Variants in PIK3R6 observed in about 807,000 individuals in gnomAD.
PIK3R6 encodes the protein phosphoinositide 3-kinase regulatory subunit 6.
Under a neutral mutation model 84.9 loss-of-function variants are expected in PIK3R6, and 91 were observed. The observed-to-expected ratio is 1.07, with a 90% CI of 0.90 to 1.28. PIK3R6 has a LOEUF of 1.28. Ranked by LOEUF, PIK3R6 falls within the 50% of genes most tolerant of loss-of-function variation. PIK3R6 has a pLI of 0.00. For synonymous variants in PIK3R6, 416 were observed against 411.4 expected (o/e 1.01, Z -0.13); for missense variants, 996 against 985.1 (o/e 1.01, Z -0.15).
At chr17:8,850,291 AGACTGGCTC>A (rs2088916980) in intron 1 of PIK3R6, among the ~76,000 whole-genome samples, 1 of 148,608 alleles carries the variant, frequency 6.7e-6, no homozygotes. Flanking sequence ...GGCAAGGGTG[AGACTGGCTC>A]AAAAAAAAAA....
chr17:8,864,587 G>A (rs2089362401), intron 1 of PIK3R6, among the ~76,000 whole-genome samples: 1 of 138,984 alleles, frequency 7.2e-6, no homozygotes, highest in Admixed American at 7.6e-5. Flanking sequence ...CGCCAGACTG[G>A]AGTGCAGTGG....
intron 1 of PIK3R6, among the ~76,000 whole-genome samples, chr17:8,852,518 T>C (rs2088996293): frequency 6.6e-6 from 1 of 151,996 alleles, no homozygotes; most frequent in Non-Finnish European, 1.5e-5. Context: ...GGTGGGCGGA[T>C]CATGAGGTCA....
In PIK3R6 at chr17:8,828,698, G is replaced by T. The variant is rs374801057; in HGVS notation, c.1182C>A (p.His394Gln). The change falls in exon 11 of 20, where the codon CAC becomes CAA. Residue 394 changes from histidine to glutamine, a missense_variant. Transcript: ENST00000619866. Reference sequence around the variant, plus strand: ...CCCCACTGGGCCGGCCTGTCCTCCGGTGCAGCCCTGGGGGCCCGTCCCAGC... The same window carrying T: ...CCCCACTGGGCCGGCCTGTCCTCCGTTGCAGCCCTGGGGGCCCGTCCCAGC... Reference protein sequence around the residue: ...PGSWDGPPGLHRRTGRPSGDG... With the variant: ...PGSWDGPPGLQRRTGRPSGDG... 17 of 1,611,154 alleles carry T rather than the reference G, an allele frequency of 1.1e-5. No homozygotes were observed. Among genetic ancestry groups the T allele is most frequent in the Non-Finnish European group, 1.4e-5 (17 of 1,178,856 alleles).
intron 9 of PIK3R6, among the ~76,000 whole-genome samples, chr17:8,831,797 A>G (rs1372014447): frequency 6.6e-6 from 1 of 152,176 alleles, no homozygotes; most frequent in East Asian, 1.9e-4. Flanking sequence ...ATTCCATGAT[A>G]CTTTGAATGA....
chr17:8,829,061 C>G (rs2088065264), intron 10 of PIK3R6, 71 bp from the exon 11 acceptor site: 3 of 1,383,538 alleles, frequency 2.2e-6, no homozygotes, highest in Non-Finnish European at 2.9e-6. Flanking sequence ...TTCAGCCAGT[C>G]CTCTTCAGAG....
At chr17:8,808,149 T>C (rs2087255971) in intron 18 of PIK3R6, among the ~76,000 whole-genome samples, 1 of 152,092 alleles carries the variant, frequency 6.6e-6, no homozygotes, top group Non-Finnish European at 1.5e-5. Context: ...TGGTTAATGA[T>C]GGTACCATTA....
intron 18 of PIK3R6, among the ~76,000 whole-genome samples, chr17:8,807,926 G>T (rs1021172863): frequency 6.6e-6 from 1 of 152,186 alleles, no homozygotes; most frequent in Non-Finnish European, 1.5e-5. Context: ...CAACTTGCTT[G>T]ATTTGCCTGG....
rs537486758 is a variant in PIK3R6, at chr17:8,804,108, G to A, written c.2041C>T (p.Arg681Trp). 88 of 1,613,984 alleles carry A rather than the reference G, an allele frequency of 5.5e-5. 1 individual carries two copies. Among genetic ancestry groups the A allele is most frequent in the South Asian group, 2.9e-4 (26 of 91,084 alleles). Residue 681 changes from arginine to tryptophan, a missense_variant, in exon 19 of 20, where the codon CGG (arginine) becomes TGG (tryptophan). Physicochemically the swap from Arg to Trp is moderately radical, Grantham distance 101. Transcript: ENST00000619866. Reference sequence around the variant, plus strand: ...GACAGTGTCAGCAGCCTCTGGTCCCGGCTCTGGATCTGGATATTGTTCGTC... The same window carrying A: ...GACAGTGTCAGCAGCCTCTGGTCCCAGCTCTGGATCTGGATATTGTTCGTC... ...FRTNNIQIQS[R>W]DQRLLTLSLD...
At position 8,803,242 on chromosome 17, in the gene PIK3R6, CCTTCCT is replaced by C; in HGVS notation, c.*25_*30del. On this transcript the variant is annotated 3_prime_UTR_variant, in exon 20 of 20. Coordinates refer to ENST00000619866, the MANE Select transcript of PIK3R6 (RefSeq NM_001010855.4). This position sits in a 1 kb window ranked among gnomAD's most constrained non-coding sequence, Gnocchi z 5.0. ...GTTTGGAGTTGGTGGGGTAGTGTAT[CCTTCCT>C]CCTGGGCCTGCTGTCCCTGCAGGCT... is the stretch of plus-strand genomic sequence containing the variant. 1.9e-6 allele frequency: 3 copies of C among 1,610,934 alleles called. No homozygotes were observed. The highest frequency in any genetic ancestry group is 4.5e-5 in the East Asian group (2 of 44,834).
chr17:8,825,882 C>G (rs1475600708), intron 13 of PIK3R6, among the ~76,000 whole-genome samples: 1 of 152,194 alleles, frequency 6.6e-6, no homozygotes, highest in Non-Finnish European at 1.5e-5. Context: ...CAAGTTACAA[C>G]TATGGGAAAA....
In PIK3R6 at chr17:8,803,143, G is replaced by T; in HGVS notation, c.*130C>A. On this transcript the variant is annotated 3_prime_UTR_variant, in exon 20 of 20. Transcript: ENST00000619866. This position sits in a 1 kb window ranked among gnomAD's most constrained non-coding sequence, Gnocchi z 5.0. The stretch of plus-strand genomic sequence containing the variant: ...CCAGGGTAGGCTCCCTGTGCTCCCA[G>T]GCACTCGCTGGCTCCTGGTCAAGGC... 1 of 1,238,704 alleles carries T rather than the reference G, an allele frequency of 8.1e-7. No individual in the cohort carries two copies. The highest frequency in any genetic ancestry group is 1.1e-6 in the Non-Finnish European group (1 of 882,828). 76.7% of individuals were successfully genotyped at this position (1,238,704 alleles called of 1,614,324 possible). A position where few individuals can be genotyped will look rare whatever the true frequency, so the allele number is the denominator to read the frequency against.
chr17:8,851,049 G>A (rs2088944109), intron 1 of PIK3R6, among the ~76,000 whole-genome samples: 2 of 151,924 alleles, frequency 1.3e-5, no homozygotes, highest in South Asian at 4.1e-4. Flanking sequence ...CCAAAGCATG[G>A]AGAAAGAAGA....
intron 10 of PIK3R6, among the ~76,000 whole-genome samples, chr17:8,829,302 A>AGACC (rs1555533024): frequency 6.9e-6 from 1 of 145,504 alleles, no homozygotes; most frequent in South Asian, 2.2e-4. Context: ...GCATACACAC[A>AGACC]CACTGACACA....
rs1445701396 is a variant in PIK3R6, at chr17:8,828,774, T to C, written c.1106A>G (p.Lys369Arg). The part of the protein sequence containing the change: ...PEMERAGLQR[K>R]GGIKKRAWPL... ...CCATGCACGCTTCTTGATGCCCCCT[T>C]TGCGCTGCAGCCCGGCTCGCTCCAT... The change falls in exon 11 of 20, where the codon AAA becomes AGA. Residue 369 changes from lysine (K) to arginine (R), a missense_variant. Coordinates refer to ENST00000619866, the MANE Select transcript of PIK3R6 (RefSeq NM_001010855.4). 1.9e-6 allele frequency: 3 copies of C among 1,592,178 alleles called. No homozygotes were observed. The highest frequency in any genetic ancestry group is 2.7e-5 in the African/African-American group (2 of 74,430).
intron 7 of PIK3R6, among the ~76,000 whole-genome samples, chr17:8,836,132 C>A (rs1410015933): frequency 1.3e-5 from 2 of 152,206 alleles, no homozygotes; most frequent in African/African-American, 4.8e-5. Context: ...CATGGAAGCC[C>A]TCTGGCTTCA....
intron 2 of PIK3R6, among the ~76,000 whole-genome samples, chr17:8,849,079 G>C (rs547448561): frequency 1.7e-5 from 2 of 118,958 alleles, no homozygotes; most frequent in Admixed American, 1.8e-4. Context: ...TAGGGTAAGA[G>C]TCCAGGCTTT....
At chr17:8,818,037 G>A (rs971845720) in intron 18 of PIK3R6, among the ~76,000 whole-genome samples, 1 of 151,996 alleles carries the variant, frequency 6.6e-6, no homozygotes, top group Admixed American at 6.5e-5. Context: ...AGATAGAGAA[G>A]AGCCTGGAGG....
At chr17:8,827,738 A>G (rs1597396603) in intron 12 of PIK3R6, among the ~76,000 whole-genome samples, 5 of 66,138 alleles carry the variant, frequency 7.6e-5, no homozygotes, top group South Asian at 5.7e-4. Context: ...GAGGGGAGGG[A>G]AGGGGAGAGA....
At chr17:8,836,468 T>A (rs1597413896) in intron 7 of PIK3R6, 79 bp downstream of exon 7, 1 of 1,486,774 alleles carries the variant, frequency 6.7e-7, no homozygotes, top group African/African-American at 1.4e-5. Flanking sequence ...TCCTCTTTTG[T>A]CCTCCTGCCA....
Sources: gnomAD v4.1 joint callset for allele counts (sites outside exome capture counted in the v4.1 genomes callset) on GRCh38, gnomAD v4.1.1 for gene constraint, Gnocchi (gnomAD v3.1) non-coding constraint, MANE v1.5 for transcripts, NCBI Gene and HGNC (gene_info 2026-07-23, HGNC 2026-07-21) for gene names.